SMYD3: variants seen among roughly 807,000 people sequenced by gnomAD.
SMYD3 encodes the protein SET and MYND domain containing 3, also known as histone-lysine N-methyltransferase SMYD3.
SMYD3 carries 36 observed loss-of-function variants against 57.7 expected under a neutral mutation model. That is an observed-to-expected ratio of 0.62 (90% confidence interval 0.48 to 0.82). SMYD3 has a LOEUF of 0.82. SMYD3 is among the 40% of genes least tolerant of loss of function. The pLI is 0.00. For synonymous variants in SMYD3, 211 were observed against 195.0 expected (o/e 1.08, Z -0.68); for missense variants, 515 against 538.8 (o/e 0.96, Z 0.44).
intron 1 of SMYD3, among the ~76,000 whole-genome samples, chr1:246,412,231 T>C (rs1303369308): frequency 6.6e-6 from 1 of 152,230 alleles, no homozygotes; most frequent in African/African-American, 2.4e-5. Flanking sequence ...CCAGCCTGAA[T>C]GGCTCTTCCT....
At chr1:246,174,689 C>CT (rs2062403900) in intron 5 of SMYD3, among the ~76,000 whole-genome samples, 1 of 152,190 alleles carries the variant, frequency 6.6e-6, no homozygotes, top group Admixed American at 6.5e-5. Flanking sequence ...TCAGGTGACC[C>CT]TCCCGCCTTG....
chr1:245,775,197 G>C (rs2046524848), intron 10 of SMYD3, among the ~76,000 whole-genome samples: 1 of 152,176 alleles, frequency 6.6e-6, no homozygotes, highest in Non-Finnish European at 1.5e-5. Flanking sequence ...CACCCGGCCA[G>C]CCGCCCTGTC....
At chr1:246,042,249 C>T (rs1017372411) in intron 5 of SMYD3, among the ~76,000 whole-genome samples, 3 of 152,118 alleles carry the variant, frequency 2.0e-5, no homozygotes, top group Non-Finnish European at 2.9e-5. Flanking sequence ...CAAATACTTA[C>T]GTTTCTCTGG....
chr1:245,756,123 CAT>C (rs565119216), intron 11 of SMYD3, among the ~76,000 whole-genome samples: 108 of 148,204 alleles, frequency 7.3e-4, no homozygotes, highest in African/African-American at 2.6e-3. Flanking sequence ...TATACACACA[CAT>C]ATATATGTAT....
At chr1:245,893,578 G>T (rs1222117497) in intron 8 of SMYD3, among the ~76,000 whole-genome samples, 1 of 152,204 alleles carries the variant, frequency 6.6e-6, no homozygotes, top group East Asian at 1.9e-4. Flanking sequence ...AAATAACATG[G>T]CTAAGCAAAA....
intron 5 of SMYD3, chr1:246,306,069 A>C (rs529652835): frequency 1.3e-5 from 2 of 152,360 alleles, no homozygotes; most frequent in African/African-American, 4.8e-5. Flanking sequence ...TACAAATTTA[A>C]GCTGCATTAA....
At chr1:245,946,524 A>G (rs1179495781) in intron 5 of SMYD3, among the ~76,000 whole-genome samples, 7 of 152,214 alleles carry the variant, frequency 4.6e-5, no homozygotes, top group Admixed American at 4.6e-4. Flanking sequence ...CAGTATCTTC[A>G]TGAAAGAAAG....
chr1:246,102,069 A>T (rs2061024930), intron 5 of SMYD3, among the ~76,000 whole-genome samples: 1 of 152,178 alleles, frequency 6.6e-6, no homozygotes, highest in Admixed American at 6.5e-5. Context: ...CCTGCTAAAG[A>T]TCTCCAGGCA....
At chr1:246,120,331 C>T (rs1484337056) in intron 5 of SMYD3, among the ~76,000 whole-genome samples, 1 of 152,144 alleles carries the variant, frequency 6.6e-6, no homozygotes, top group East Asian at 1.9e-4. Flanking sequence ...ACTTATCATG[C>T]TCCAAATTTT....
intron 8 of SMYD3, among the ~76,000 whole-genome samples, chr1:245,866,254 G>A (rs2051834396): frequency 6.6e-6 from 1 of 152,176 alleles, no homozygotes; most frequent in Non-Finnish European, 1.5e-5. Context: ...TGTATGAGGA[G>A]ATAGGAGCAC....
chr1:246,296,136 G>A (rs926844188), intron 5 of SMYD3, among the ~76,000 whole-genome samples: 10 of 152,178 alleles, frequency 6.6e-5, no homozygotes, highest in African/African-American at 2.2e-4. Context: ...GAATTAGGCC[G>A]CTCTGAGTCT....
At chr1:245,989,347 T>C (rs2058769269) in intron 5 of SMYD3, among the ~76,000 whole-genome samples, 1 of 152,220 alleles carries the variant, frequency 6.6e-6, no homozygotes, top group African/African-American at 2.4e-5. Context: ...TCCTCTCTTA[T>C]CCTTAATTTC....
intron 5 of SMYD3, among the ~76,000 whole-genome samples, chr1:246,140,012 G>A (rs1185453330): frequency 6.6e-6 from 1 of 152,170 alleles, no homozygotes; most frequent in Non-Finnish European, 1.5e-5. Context: ...TTTTCATCAT[G>A]TATTGGTTGA....
At chr1:246,059,460 T>G (rs1263951459) in intron 5 of SMYD3, among the ~76,000 whole-genome samples, 2 of 152,204 alleles carry the variant, frequency 1.3e-5, no homozygotes, top group Admixed American at 6.5e-5. Context: ...TGGAGGTGTT[T>G]TGTCTCTCTC....
intron 1 of SMYD3, among the ~76,000 whole-genome samples, chr1:246,363,114 CCGT>C (rs1160917740): frequency 2.7e-4 from 40 of 149,656 alleles, no homozygotes; most frequent in Non-Finnish European, 4.3e-4. Flanking sequence ...CCTGGCCGCC[CCGT>C]CTGAGAAGTG....
chr1:246,183,143 T>C (rs1308328356), intron 5 of SMYD3, among the ~76,000 whole-genome samples: 1 of 152,174 alleles, frequency 6.6e-6, no homozygotes, highest in Non-Finnish European at 1.5e-5. Context: ...GTAGCTAAAG[T>C]GTTTCACATA....
intron 10 of SMYD3, among the ~76,000 whole-genome samples, chr1:245,820,885 G>T (rs1364792858): frequency 1.5e-4 from 23 of 151,260 alleles, no homozygotes. Context: ...ACTGCTCAAT[G>T]AAATAAAAGA....
At chr1:246,031,290 G>A (rs1178019028) in intron 5 of SMYD3, among the ~76,000 whole-genome samples, 1 of 151,992 alleles carries the variant, frequency 6.6e-6, no homozygotes, top group Non-Finnish European at 1.5e-5. Flanking sequence ...GAAGGATTAT[G>A]GGTTTATTCA....
chr1:245,859,743 A>G (rs1299072535), intron 9 of SMYD3, among the ~76,000 whole-genome samples: 1 of 152,184 alleles, frequency 6.6e-6, no homozygotes, highest in Non-Finnish European at 1.5e-5. Context: ...CATCTGCTTC[A>G]TATGTTGTCA....
Sources: gnomAD v4.1 joint callset for allele counts (sites outside exome capture counted in the v4.1 genomes callset) on GRCh38, gnomAD v4.1.1 for gene constraint, MANE v1.5 for transcripts, NCBI Gene and HGNC (gene_info 2026-07-23, HGNC 2026-07-21) for gene names.